XIRP2: variants seen among roughly 807,000 people sequenced by gnomAD.
XIRP2 encodes xin actin-binding repeat-containing protein 2.
XIRP2 carries 236 observed loss-of-function variants against 277.0 expected under a neutral mutation model. The ratio of observed to expected loss-of-function variants is 0.85; its 90% CI spans 0.77 to 0.95. The LOEUF (loss-of-function observed/expected upper bound fraction) is 0.95, where lower values mean the gene tolerates loss of function less well. Ranked by LOEUF, XIRP2 falls within the 40% of genes least tolerant of loss-of-function variation. The pLI is 0.00. For missense variants in XIRP2, 4,640 were observed against 4,157.5 expected (o/e 1.12, Z -3.19); for synonymous variants, 1,490 against 1,416.5 (o/e 1.05, Z -1.17).
At chr2:167,099,886 A>G (rs773675027) in intron 2 of XIRP2, among the ~76,000 whole-genome samples, 10 of 152,100 alleles carry the variant, frequency 6.6e-5, no homozygotes, top group Admixed American at 3.9e-4. Flanking sequence ...TCAGTTGAAA[A>G]TGCAGAGATC....
chr2:167,258,512 A>C lies in XIRP2; in HGVS notation c.*695A>C. ...CACAAAGAGTAACAGGAAAAGTGCT[A>C]TGGATCTTAATGACAACAATAATGT... is the stretch of plus-strand genomic sequence containing the variant. On this transcript the variant is annotated 3_prime_UTR_variant, in exon 11 of 11. Coordinates refer to ENST00000409195, the MANE Select transcript of XIRP2 (RefSeq NM_152381.6). 6.2e-7 allele frequency: 1 copy of C among 1,613,174 alleles called. No individual in the cohort carries two copies. The highest frequency in any genetic ancestry group is 1.7e-5 in the Admixed American group (1 of 59,820).
rs1695282223 is a variant in XIRP2, at chr2:167,246,732, C to T, written c.5340C>T (p.Ile1780=). Residue 1780 remains isoleucine (I), a synonymous_variant, in exon 9 of 11, where the codon ATC becomes ATT. Transcript: ENST00000409195. ...TAKKQEGEKE[I]IGGDVEGTKL... is the part of the protein sequence containing the mutation. ...AGAAACAAGAAGGAGAGAAAGAAAT[C>T]ATTGGTGGTGATGTTGAAGGTACAA... The T allele has an allele frequency of 1.2e-6, 2 of 1,613,552 alleles. No individual in the cohort carries two copies. Among genetic ancestry groups the T allele is most frequent in the Non-Finnish European group, 8.5e-7 (1 of 1,179,792 alleles).
At chr2:167,195,640 T>G (rs1431033195) in intron 3 of XIRP2, among the ~76,000 whole-genome samples, 2 of 151,944 alleles carry the variant, frequency 1.3e-5, no homozygotes, top group Non-Finnish European at 2.9e-5. Context: ...ATCATGGGAA[T>G]CTAAAGGAGA....
rs191024045 is a variant in XIRP2 at position 167,248,940 on chromosome 2, G to A, written c.7548G>A (p.Ala2516=). 1,677 of 1,613,576 alleles carry A rather than the reference G, an allele frequency of 1.0e-3. 2 individuals carry two copies. Among genetic ancestry groups the A allele is most frequent in the Non-Finnish European group, 1.3e-3 (1,531 of 1,179,736 alleles). Residue 2516 remains alanine (A), a synonymous_variant, in exon 9 of 11, where the codon GCG becomes GCA. Coordinates refer to ENST00000409195, the MANE Select transcript of XIRP2 (RefSeq NM_152381.6). ...CAGCACCCAGGAAAAAACAGATTGC[G>A]CCTCTTATAAAATCTCATTCATTTC... The part of the protein sequence containing the change: ...GTSAPRKKQI[A]PLIKSHSFPE...
chr2:167,149,640 A>G (rs6711844), intron 3 of XIRP2, among the ~76,000 whole-genome samples: 42,793 of 151,714 alleles, frequency 0.28, 7,502 homozygotes, highest in African/African-American at 0.51. Context: ...TAAAAGCTAC[A>G]TATAAAAATC....
At chr2:166,974,258 C>T (rs1686654894) in intron 2 of XIRP2, among the ~76,000 whole-genome samples, 1 of 151,876 alleles carries the variant, frequency 6.6e-6, no homozygotes, top group South Asian at 2.1e-4. Flanking sequence ...GGCAGATCCA[C>T]ACTGCAAAAA....
chr2:167,142,285 C>T (rs924079307), intron 3 of XIRP2, among the ~76,000 whole-genome samples: 2 of 152,152 alleles, frequency 1.3e-5, no homozygotes, highest in East Asian at 3.9e-4. Flanking sequence ...CACAATGGCT[C>T]ACGCTTATAA....
At chr2:167,128,452 G>A (rs1691273470) in intron 2 of XIRP2, among the ~76,000 whole-genome samples, 1 of 152,136 alleles carries the variant, frequency 6.6e-6, no homozygotes, top group African/African-American at 2.4e-5. Context: ...CAGTGTTGGC[G>A]AGCTGGGAAA....
In XIRP2 at chr2:167,244,852, C is replaced by G. The variant is rs745871371; in HGVS notation, c.3460C>G (p.Gln1154Glu). The G allele has an allele frequency of 5.6e-6, 9 of 1,613,542 alleles. No homozygotes were observed. The Admixed American group carries it at 1.5e-4, about 27-fold the overall frequency. ...ETAVKLQTVKQEEIQGGDVRT... is the reference protein window; with the variant it reads ...ETAVKLQTVKEEEIQGGDVRT... ...AGCAGTCAAATTGCAAACTGTAAAACAGGAGGAGATCCAAGGTGGGGATGT... is the reference window on the plus strand; with the variant it reads ...AGCAGTCAAATTGCAAACTGTAAAAGAGGAGGAGATCCAAGGTGGGGATGT... Residue 1154 changes from glutamine (Q) to glutamate (E), a missense_variant, in exon 9 of 11, where the codon CAG (glutamine) becomes GAG (glutamate). Gln to Glu is a conservative substitution (Grantham distance 29). Transcript: ENST00000409195.
intron 2 of XIRP2, among the ~76,000 whole-genome samples, chr2:166,910,109 C>G (rs574183771): frequency 1.1e-4 from 17 of 152,182 alleles, no homozygotes; most frequent in East Asian, 9.7e-4. Context: ...TTTGGTATCG[C>G]GATGATGCTG....
At chr2:167,002,056 A>C (rs1422965225) in intron 2 of XIRP2, among the ~76,000 whole-genome samples, 1 of 152,118 alleles carries the variant, frequency 6.6e-6, no homozygotes, top group African/African-American at 2.4e-5. Flanking sequence ...ATTCTTTACA[A>C]AATTACATGA....
chr2:166,988,241 G>A (rs958428309), intron 2 of XIRP2, among the ~76,000 whole-genome samples: 2 of 152,112 alleles, frequency 1.3e-5, no homozygotes, highest in South Asian at 2.1e-4. Context: ...TAAACTCAAT[G>A]TATTAAGAAG....
intron 2 of XIRP2, among the ~76,000 whole-genome samples, chr2:167,097,238 T>C (rs916620941): frequency 6.6e-6 from 1 of 152,206 alleles, no homozygotes; most frequent in African/African-American, 2.4e-5. Flanking sequence ...CTGTATTAGG[T>C]GCATATGTAT....
chr2:167,093,907 G>A (rs1690220936), intron 2 of XIRP2, among the ~76,000 whole-genome samples: 1 of 152,050 alleles, frequency 6.6e-6, no homozygotes, highest in Non-Finnish European at 1.5e-5. Context: ...CTTCCCCACT[G>A]GTTCAACTAA....
Position 167,246,902 on chromosome 2 carries a change from T to TA in XIRP2, c.5514dup (p.Gly1839ArgfsTer2). On this transcript the variant is annotated frameshift_variant, in exon 9 of 11. Transcript: ENST00000409195. LOFTEE classifies it high-confidence loss of function. Reference sequence around the variant, plus strand: ...GGTAAGATACCCAAAGAAGAGATTATAAAAGGTGATTTGACATCAACCCTA... The same window carrying TA: ...GGTAAGATACCCAAAGAAGAGATTATAAAAAGGTGATTTGACATCAACCCTA... 6.2e-7 allele frequency: 1 copy of TA among 1,613,440 alleles called. No individual in the cohort carries two copies. Among genetic ancestry groups the TA allele is most frequent in the Non-Finnish European group, 8.5e-7 (1 of 1,179,800 alleles).
In XIRP2 at chr2:167,249,926, A is replaced by G. The variant is rs1695418140; in HGVS notation, c.8534A>G (p.Lys2845Arg). 2 of 1,613,484 alleles carry G rather than the reference A, an allele frequency of 1.2e-6. No homozygotes were observed. The highest frequency in any genetic ancestry group is 1.7e-5 in the Admixed American group (1 of 59,930). Reference protein sequence around the residue: ...LITERKHEHLKNKSAPKVVKQ... With the variant: ...LITERKHEHLRNKSAPKVVKQ... ...ACTGAAAGAAAACACGAACATCTGA[A>G]GAATAAATCAGCACCAAAGGTCGTC... The change falls in exon 9 of 11, where the codon AAG (lysine) becomes AGG (arginine). Residue 2845 changes from lysine to arginine, a missense_variant. Coordinates refer to ENST00000409195, the MANE Select transcript of XIRP2 (RefSeq NM_152381.6).
At chr2:167,118,482 G>GATAAAATAAAATTAAA (rs1553488353) in intron 2 of XIRP2, among the ~76,000 whole-genome samples, 2 of 122,164 alleles carry the variant, frequency 1.6e-5, no homozygotes, top group African/African-American at 6.4e-5. Flanking sequence ...ACTCTGTCTC[G>GATAAAATAAAATTAAA]ATAAAATAAA....
intron 1 of XIRP2, among the ~76,000 whole-genome samples, chr2:166,890,502 G>A (rs1684075030): frequency 6.6e-6 from 1 of 152,156 alleles, no homozygotes; most frequent in Admixed American, 6.6e-5. Flanking sequence ...CATCTGAACA[G>A]ACTGTAAATC....
chr2:167,244,042 A>G lies in XIRP2; in HGVS notation c.2650A>G (p.Ile884Val). The change falls in exon 9 of 11, where the codon ATT becomes GTT. Residue 884 changes from isoleucine to valine, a missense_variant. Physicochemically the swap from Ile to Val is conservative, Grantham distance 29 (BLOSUM62 3). Transcript: ENST00000409195. ...TAAGCATCTATTTGAAACACTTCCA[A>G]TTGAAGCATTAAAAGACAGTCCTGA... ...TTKHLFETLPIEALKDSPDIG... is the reference protein window; with the variant it reads ...TTKHLFETLPVEALKDSPDIG... The G allele has an allele frequency of 2.5e-6, 4 of 1,613,942 alleles. No individual in the cohort carries two copies. Among genetic ancestry groups the G allele is most frequent in the Non-Finnish European group, 2.5e-6 (3 of 1,179,916 alleles).
Sources: gnomAD v4.1 joint callset for allele counts (sites outside exome capture counted in the v4.1 genomes callset) on GRCh38, gnomAD v4.1.1 for gene constraint, MANE v1.5 for transcripts, NCBI Gene and HGNC (gene_info 2026-07-23, HGNC 2026-07-21) for gene names.